ALAD: variants seen among roughly 807,000 people sequenced by gnomAD.
The protein encoded by ALAD is aminolevulinate dehydratase, also known as delta-aminolevulinic acid dehydratase.
Under a neutral mutation model 44.4 loss-of-function variants are expected in ALAD, and 20 were observed. The observed-to-expected ratio is 0.45, with a 90% CI of 0.32 to 0.65. ALAD has a LOEUF of 0.65. Among genes scored for constraint, ALAD ranks in the 30% least tolerant of loss-of-function variants. The pLI, the probability that ALAD is intolerant of heterozygous loss-of-function variation, is 0.05. For synonymous variants in ALAD, 156 were observed against 167.9 expected, an observed-to-expected ratio of 0.93 and a Z score of 0.55; for missense variants, 323 against 445.7, an observed-to-expected ratio of 0.72 and a Z score of 2.48.
intron 11 of ALAD, among the ~76,000 whole-genome samples, chr9:113,388,634 C>T (rs938928463): frequency 6.6e-6 from 1 of 152,192 alleles, no homozygotes; most frequent in African/African-American, 2.4e-5. Flanking sequence ...GCAATTCTAA[C>T]AAAATGAGTC....
chr9:113,392,067 G>A, intron 3 of ALAD, 52 bp downstream of exon 3: 3 of 1,507,456 alleles, frequency 2.0e-6, no homozygotes, highest in Middle Eastern at 2.0e-4. Context: ...ACTTCCACCT[G>A]TGGAATCTCT....
chr9:113,394,134 C>T (rs1188106526), intron 1 of ALAD, among the ~76,000 whole-genome samples: 1 of 151,564 alleles, frequency 6.6e-6, no homozygotes, highest in African/African-American at 2.4e-5. Flanking sequence ...AGATGGAGGT[C>T]TTGCCATGCT....
Position 113,388,997 on chromosome 9 carries a change from A to G in ALAD, c.911T>C (p.Met304Thr), listed in dbSNP as rs36087664. The G allele has an allele frequency of 4.5e-5, 73 of 1,613,758 alleles. No homozygotes were observed. The African/African-American group carries it at 8.8e-4, about 19-fold the overall frequency. Residue 304 changes from methionine (M) to threonine (T), a missense_variant, in exon 11 of 12, where the codon ATG becomes ACG. By Grantham distance (81) the Met-to-Thr change is moderately conservative. Coordinates refer to ENST00000409155, the MANE Select transcript of ALAD (RefSeq NM_000031.6). ...FDLKAAVLEA[M>T]TAFRRAGADI... ...CCTACCTGCTCTGCGGAAGGCAGTC[A>G]TGGCCTCCAGTACGGCAGCCTTGAG...
chr9:113,389,334 G>T, intron 10 of ALAD, 104 bp downstream of exon 10: 1 of 1,410,202 alleles, frequency 7.1e-7, no homozygotes, highest in Non-Finnish European at 9.9e-7. Context: ...GGGAGGAGAG[G>T]ATGCATGCTT....
intron 1 of ALAD, chr9:113,396,894 C>A (rs1458706926): frequency 6.6e-6 from 1 of 152,536 alleles, no homozygotes; most frequent in Non-Finnish European, 1.5e-5. Flanking sequence ...CTGTTTTAGA[C>A]ACTTCCTTTT....
intron 4 of ALAD, 85 bp from the exon 5 acceptor site, chr9:113,391,018 T>C (rs1227659269): frequency 1.3e-6 from 2 of 1,562,416 alleles, no homozygotes; most frequent in African/African-American, 2.7e-5. Context: ...AGCATAGCCC[T>C]GGCCTTCTCC....
chr9:113,393,396 C>CCCAAA, intron 2 of ALAD, 51 bp downstream of exon 2: 18 of 1,465,492 alleles, frequency 1.2e-5, no homozygotes, highest in Non-Finnish European at 1.6e-5. Context: ...CCCTCCCCAA[C>CCCAAA]CCCAACCCCA....
rs746212674 is a variant in ALAD at position 113,389,458 on chromosome 9, C to A, written c.781G>T (p.Val261Leu). Residue 261 changes from valine to leucine, a missense_variant, in exon 10 of 12, where the codon GTG becomes TTG. By Grantham distance (32) the Val-to-Leu change is conservative. Coordinates refer to ENST00000409155, the MANE Select transcript of ALAD (RefSeq NM_000031.6). ...VKPGMPYLDI[V>L]REVKDKHPDL... is the part of the protein sequence containing the mutation. ...CTCACCTTGTCCTTTACCTCCCGCA[C>A]GATGTCCAGGTAGGGCATTCCCGGC... The A allele has an allele frequency of 1.2e-6, 2 of 1,613,678 alleles. No individual in the cohort carries two copies. Among genetic ancestry groups the A allele is most frequent in the East Asian group, 2.2e-5 (1 of 44,898 alleles).
At position 113,390,815 on chromosome 9, in the gene ALAD, G is replaced by A. The variant is rs1827559863; in HGVS notation, c.380C>T (p.Thr127Ile). 1.2e-6 allele frequency: 2 copies of A among 1,612,030 alleles called. No individual in the cohort carries two copies. The highest frequency in any genetic ancestry group is 1.1e-5 in the South Asian group (1 of 90,778). ...VACDVCLCPYTSHGHCGLLSE... is the reference protein window; with the variant it reads ...VACDVCLCPYISHGHCGLLSE... The stretch of plus-strand genomic sequence containing the variant: ...GAACTCACCGCAGTGACCATGGGAG[G>A]TGTAGGGACACAGGCAGACATCACA... The change falls in exon 5 of 12, where the codon ACC becomes ATC. Residue 127 changes from threonine (T) to isoleucine (I), a missense_variant. Coordinates refer to ENST00000409155, the MANE Select transcript of ALAD (RefSeq NM_000031.6).
At position 113,393,638 on chromosome 9, in the gene ALAD, T is replaced by G; in HGVS notation, c.-75-4A>C. ...GGGCATTGGCTGCAGGCTCTGTCTG[T>G]GGGGGGTGATGGGTGGCACATGAGA... On this transcript the variant is annotated splice_polypyrimidine_tract_variant and splice_region_variant and intron_variant, in intron 1 of 11. Coordinates refer to ENST00000409155, the MANE Select transcript of ALAD (RefSeq NM_000031.6). 1 of 1,141,084 alleles carries G rather than the reference T, an allele frequency of 8.8e-7. No individual in the cohort carries two copies. Among genetic ancestry groups the G allele is most frequent in the Non-Finnish European group, 1.3e-6 (1 of 754,082 alleles). 70.7% of individuals were successfully genotyped at this position (1,141,084 alleles called of 1,614,324 possible). A position where few individuals can be genotyped will look rare whatever the true frequency, so the allele number is the denominator to read the frequency against.
chr9:113,394,849 C>T (rs1213613301), intron 1 of ALAD, among the ~76,000 whole-genome samples: 7 of 151,954 alleles, frequency 4.6e-5, no homozygotes, highest in East Asian at 1.9e-4. Context: ...GTCAGGAGTT[C>T]GAGACCAGCC....
intron 1 of ALAD, among the ~76,000 whole-genome samples, chr9:113,398,598 TGTCA>T (rs1453850615): frequency 6.6e-6 from 1 of 152,240 alleles, no homozygotes; most frequent in Non-Finnish European, 1.5e-5. Context: ...GAGAAACGGC[TGTCA>T]GTGCTGAAAA....
At chr9:113,395,568 C>A (rs541572142) in intron 1 of ALAD, among the ~76,000 whole-genome samples, 1 of 152,182 alleles carries the variant, frequency 6.6e-6, no homozygotes, top group Non-Finnish European at 1.5e-5. Context: ...GGACACAAGA[C>A]AGAAGGAAGC....
chr9:113,397,676 G>A (rs1383170218), intron 1 of ALAD, among the ~76,000 whole-genome samples: 1 of 142,376 alleles, frequency 7.0e-6, no homozygotes, highest in Non-Finnish European at 1.5e-5. Context: ...CCAAGCTGGA[G>A]TGCAGTGGTT....
At chr9:113,400,654 C>T (rs1347822530) in intron 1 of ALAD, among the ~76,000 whole-genome samples, 1 of 151,912 alleles carries the variant, frequency 6.6e-6, no homozygotes, top group African/African-American at 2.4e-5. Flanking sequence ...GAAACCCCAT[C>T]TCTACTAAAA....
chr9:113,387,717 A>C lies in ALAD; in HGVS notation c.*583T>G, dbSNP rs1356458303. On this transcript the variant is annotated 3_prime_UTR_variant, in exon 12 of 12. Transcript: ENST00000409155. ...GAGTTTTGATCCTCAGGCAGTATTT[A>C]TGCTGGTTAATGAGTAATTCTTCTC... is the stretch of plus-strand genomic sequence containing the variant. The C allele has an allele frequency of 6.1e-6, 1 of 163,778 alleles. No homozygotes were observed. Among genetic ancestry groups the C allele is most frequent in the African/African-American group, 2.4e-5 (1 of 41,652 alleles). 10.1% of individuals were successfully genotyped at this position (163,778 alleles called of 1,614,324 possible).
intron 4 of ALAD, 146 bp downstream of exon 4, chr9:113,391,381 T>G (rs1208048576): frequency 1.3e-6 from 1 of 749,420 alleles, no homozygotes; most frequent in Non-Finnish European, 2.4e-6. Context: ...ACTTTTGTAT[T>G]TTTTGTAGAG....
Position 113,387,817 on chromosome 9 carries a change from C to T in ALAD, c.*483G>A. On this transcript the variant is annotated 3_prime_UTR_variant, in exon 12 of 12. Transcript: ENST00000409155. ...CTCTGGCCTCGTGGGAAATGCCTTCCAGTGGAATTGCGGCAAATTTCAACT... is the reference window on the plus strand; with the variant it reads ...CTCTGGCCTCGTGGGAAATGCCTTCTAGTGGAATTGCGGCAAATTTCAACT... 4.7e-6 allele frequency: 1 copy of T among 213,438 alleles called. No individual in the cohort carries two copies. Among genetic ancestry groups the T allele is most frequent in the Non-Finnish European group, 9.7e-6 (1 of 103,440 alleles). The allele number at this position is 213,438 out of a possible 1,614,324, so 13.2% of individuals were successfully genotyped here. A position where few individuals can be genotyped will look rare whatever the true frequency, so the allele number is the denominator to read the frequency against.
chr9:113,399,094 T>C (rs1277877552), intron 1 of ALAD, among the ~76,000 whole-genome samples: 3 of 152,192 alleles, frequency 2.0e-5, no homozygotes, highest in African/African-American at 7.2e-5. Flanking sequence ...ACGCAGAGTA[T>C]AGGGCGGTGC....
Sources: gnomAD v4.1 joint callset for allele counts (sites outside exome capture counted in the v4.1 genomes callset) on GRCh38, gnomAD v4.1.1 for gene constraint, MANE v1.5 for transcripts, NCBI Gene and HGNC (gene_info 2026-07-23, HGNC 2026-07-21) for gene names.